Variants in TRAPPC2L observed in about 807,000 individuals in gnomAD.
TRAPPC2L encodes trafficking protein particle complex subunit 2L.
A neutral mutation model predicts 13.2 loss-of-function variants in TRAPPC2L; 17 were observed. That is an observed-to-expected ratio of 1.29 (90% CI 0.88 to 1.93). TRAPPC2L has a LOEUF of 1.93. Among genes scored for constraint, TRAPPC2L ranks in the 30% most tolerant of loss-of-function variants. TRAPPC2L has a pLI of 0.00. For missense variants in TRAPPC2L, 359 were observed against 252.1 expected (o/e 1.42, Z -2.87); for synonymous variants, 150 against 98.1 (o/e 1.53, Z -3.12).
chr16:88,858,254 A>G (rs1968110743), intron 1 of TRAPPC2L, among the ~76,000 whole-genome samples: 1 of 152,188 alleles, frequency 6.6e-6, no homozygotes, highest in South Asian at 2.1e-4. Context: ...AGGGTGCTGT[A>G]TTTGGGTGAG....
chr16:88,860,592 G>A (rs1045353160), exon 4 of TRAPPC2L: 4 of 586,584 alleles, frequency 6.8e-6, no homozygotes, highest in African/African-American at 1.9e-5. Context: ...ATGGGAGCAG[G>A]CAGGCGAATG....
exon 4 of TRAPPC2L, chr16:88,861,021 C>A: frequency 6.6e-7 from 1 of 1,523,674 alleles, no homozygotes; most frequent in South Asian, 1.2e-5. Context: ...GGCCGTCGGT[C>A]TGTTCTGGTT....
intron 2 of TRAPPC2L, chr16:88,859,256 G>A (rs550242786): frequency 3.8e-5 from 21 of 557,862 alleles, no homozygotes; most frequent in Non-Finnish European, 6.8e-5. Context: ...CCTGTCCATG[G>A]TGACATTTGC....
chr16:88,856,440 C>T (rs904668103), upstream of TRAPPC2L: 3 of 700,580 alleles, frequency 4.3e-6, no homozygotes, highest in Non-Finnish European at 7.8e-6. Flanking sequence ...GGTAGCACGC[C>T]GGCCACCCAC....
chr16:88,861,046 G>A (rs186781851), exon 4 of TRAPPC2L: 2 of 1,317,706 alleles, frequency 1.5e-6, no homozygotes, highest in Non-Finnish European at 2.1e-6. Flanking sequence ...CTTCCTGAAT[G>A]GGACGCCTGG....
intron 1 of TRAPPC2L, among the ~76,000 whole-genome samples, chr16:88,857,993 T>C (rs1968081440): frequency 6.6e-6 from 1 of 152,090 alleles, no homozygotes; most frequent in Non-Finnish European, 1.5e-5. Context: ...AAGATGATCA[T>C]TTGCTTGTTT....
chr16:88,860,890 G>A (rs1355779932), exon 4 of TRAPPC2L: 5 of 1,582,206 alleles, frequency 3.2e-6, no homozygotes, highest in Non-Finnish European at 4.3e-6. Flanking sequence ...GCTCTCCTCT[G>A]AGTGGGTCTG....
chr16:88,860,487 A>G (rs1968309522), exon 4 of TRAPPC2L: 4 of 601,536 alleles, frequency 6.6e-6, no homozygotes, highest in East Asian at 5.5e-5. Context: ...CCAAGACATA[A>G]TTCCCTGTGG....
chr16:88,857,259 G>T (rs1220367396), intron 1 of TRAPPC2L, 76 bp downstream of exon 1: 2 of 1,331,442 alleles, frequency 1.5e-6, no homozygotes, highest in Admixed American at 5.0e-5. Flanking sequence ...TCTTCCCTGG[G>T]CTTAGAAGGC....
rs777667250 is a variant in TRAPPC2L at position 88,858,796 on chromosome 16, C to T, written c.206+5C>T. ...CCCCACGGAGGACTACAAGGTGTAT[C>T]TTTCAGGGCAGGGTGTGTGTCAGGG... On this transcript the variant is annotated splice_donor_5th_base_variant and intron_variant, in intron 2 of 3. Transcript: ENST00000565504. 1 of 1,611,844 alleles carries T rather than the reference C, an allele frequency of 6.2e-7. No homozygotes were observed. The highest frequency in any genetic ancestry group is 1.1e-5 in the South Asian group (1 of 90,986).
At chr16:88,857,078 G>A, upstream of TRAPPC2L, 1 of 1,513,716 alleles carries the variant, frequency 6.6e-7, no homozygotes, top group Non-Finnish European at 8.8e-7. Context: ...GTGTGCGGAT[G>A]GGGCGGGGCT....
intron 2 of TRAPPC2L, chr16:88,859,197 T>C (rs1434139161): frequency 2.1e-6 from 1 of 482,136 alleles, no homozygotes; most frequent in Non-Finnish European, 4.0e-6. Flanking sequence ...TTGGGACAAA[T>C]CACTTGAGGC....
upstream of TRAPPC2L, chr16:88,856,860 C>A (rs753547371): frequency 6.6e-7 from 1 of 1,509,988 alleles, no homozygotes; most frequent in East Asian, 2.7e-5. Flanking sequence ...ACCTCGTCGC[C>A]GCGACAACCG....
chr16:88,860,997 C>T (rs775611413), exon 4 of TRAPPC2L: 3 of 1,558,882 alleles, frequency 1.9e-6, no homozygotes, highest in Non-Finnish European at 2.6e-6. Flanking sequence ...GGAGCCCGCG[C>T]ACGACTGTGG....
exon 4 of TRAPPC2L, chr16:88,860,479 A>C: frequency 5.0e-6 from 3 of 603,162 alleles, no homozygotes; most frequent in Non-Finnish European, 8.8e-6. Context: ...CCCCAGTTCC[A>C]AGACATAATT....
chr16:88,858,218 G>A (rs907114537), intron 1 of TRAPPC2L, among the ~76,000 whole-genome samples: 1 of 152,214 alleles, frequency 6.6e-6, no homozygotes, highest in Non-Finnish European at 1.5e-5. Context: ...AAGGGTCACT[G>A]TCAAGGTGAA....
At chr16:88,857,175 G>A (rs771045917) in exon 1 of TRAPPC2L, 3 of 1,579,494 alleles carry the variant, frequency 1.9e-6, no homozygotes, top group East Asian at 2.4e-5. Context: ...CGCGGTGATT[G>A]CCAAGGAGGT....
exon 3 of TRAPPC2L, chr16:88,859,738 C>T (rs575920557): frequency 1.9e-5 from 31 of 1,613,730 alleles, no homozygotes; most frequent in African/African-American, 1.2e-4. Flanking sequence ...TTCGAGACAA[C>T]GAAATTCGCA....
chr16:88,856,505 A>C, upstream of TRAPPC2L: 1 of 697,364 alleles, frequency 1.4e-6, no homozygotes. Context: ...GCGTGTGGTG[A>C]TCGGTGACCG....
Sources: gnomAD v4.1 joint callset for allele counts (sites outside exome capture counted in the v4.1 genomes callset) on GRCh38, gnomAD v4.1.1 for gene constraint, MANE v1.5 for transcripts, NCBI Gene and HGNC (gene_info 2026-07-23, HGNC 2026-07-21) for gene names.